NR2C2: variants seen among roughly 807,000 people sequenced by gnomAD.
NR2C2 encodes the protein Nuclear hormone receptor TR4.
In NR2C2, 6 loss-of-function variants were observed where a neutral mutation model predicts 62.9. The ratio of observed to expected loss-of-function variants is 0.10; its 90% CI spans 0.05 to 0.19. NR2C2 has a LOEUF of 0.19. NR2C2 is among the 10% of genes least tolerant of loss of function. The probability of loss-of-function intolerance (pLI) is 1.00; values close to 1 mark genes in which losing one functional copy is unlikely to be tolerated. For missense variants in NR2C2, 479 were observed against 762.7 expected (o/e 0.63, Z 4.38); for synonymous variants, 272 against 273.8 (o/e 0.99, Z 0.07).
chr3:15,005,844 T>C (rs1361219074), intron 2 of NR2C2, among the ~76,000 whole-genome samples: 1 of 152,126 alleles, frequency 6.6e-6, no homozygotes, highest in African/African-American at 2.4e-5. Flanking sequence ...CAGCTGACAA[T>C]CTGTCTTTTC....
At chr3:15,024,365 A>G (rs982784878) in intron 7 of NR2C2, among the ~76,000 whole-genome samples, 157 bp downstream of exon 7, 1 of 152,070 alleles carries the variant, frequency 6.6e-6, no homozygotes, top group African/African-American at 2.4e-5. Flanking sequence ...CTATCTTGTG[A>G]TTTGTTTTAG....
At chr3:14,987,075 G>A (rs1458262892) in intron 1 of NR2C2, among the ~76,000 whole-genome samples, 2 of 152,086 alleles carry the variant, frequency 1.3e-5, no homozygotes, top group Non-Finnish European at 2.9e-5. Context: ...GGTAAGAAGA[G>A]TTTTTATTTA....
intron 1 of NR2C2, among the ~76,000 whole-genome samples, chr3:14,979,141 T>G (rs2040289796): frequency 6.6e-6 from 1 of 152,258 alleles, no homozygotes; most frequent in Non-Finnish European, 1.5e-5. Context: ...TCTCCTTGAC[T>G]ATTCTTTTTG....
intron 3 of NR2C2, among the ~76,000 whole-genome samples, chr3:15,015,666 C>T (rs949854737): frequency 2.0e-5 from 3 of 152,190 alleles, no homozygotes; most frequent in African/African-American, 4.8e-5. Flanking sequence ...ATGAGCAGTC[C>T]GGATGAGTGG....
Position 15,003,983 on chromosome 3 carries a change from T to A in NR2C2, c.69T>A (p.Ile23=), listed in dbSNP as rs1445802126. Residue 23 remains isoleucine, a synonymous_variant, in exon 2 of 14, where the codon ATT becomes ATA. Coordinates refer to ENST00000425241, the MANE Select transcript of NR2C2 (RefSeq NM_001291694.2). Reference sequence around the variant, plus strand: ...CTGCTGTAGCCTCACCTCAGCGCATTCAGGTACCTGCAACCTGCCAATGGC... The same window carrying A: ...CTGCTGTAGCCTCACCTCAGCGCATACAGGTACCTGCAACCTGCCAATGGC... ...TDSAVASPQR[I]QIVTDQQTGQ... The A allele has an allele frequency of 6.2e-7, 1 of 1,607,580 alleles. No individual in the cohort carries two copies. The highest frequency in any genetic ancestry group is 1.1e-5 in the South Asian group (1 of 90,062).
Position 15,013,575 on chromosome 3 carries a change from G to C in NR2C2, c.73-14G>C. 1 of 1,613,172 alleles carries C rather than the reference G, an allele frequency of 6.2e-7. No individual in the cohort carries two copies. The highest frequency in any genetic ancestry group is 8.5e-7 in the Non-Finnish European group (1 of 1,179,534). On this transcript the variant is annotated splice_polypyrimidine_tract_variant and intron_variant, in intron 2 of 13. Transcript: ENST00000425241. Reference sequence around the variant, plus strand: ...GACACTCCATGAGAGCAGCCTCCATGTTGTGTCTTATAGATTGTCACAGAC... The same window carrying C: ...GACACTCCATGAGAGCAGCCTCCATCTTGTGTCTTATAGATTGTCACAGAC...
intron 1 of NR2C2, among the ~76,000 whole-genome samples, chr3:14,969,207 A>C (rs964087399): frequency 1.2e-4 from 18 of 151,658 alleles, no homozygotes; most frequent in African/African-American, 4.4e-4. Context: ...ATATAGATAC[A>C]TATACTATGT....
intron 3 of NR2C2, 105 bp downstream of exon 3, chr3:15,013,894 C>T (rs2041426857): frequency 9.3e-6 from 11 of 1,179,026 alleles, no homozygotes; most frequent in Non-Finnish European, 1.2e-5. Flanking sequence ...CTGGAAGGTT[C>T]CTTGGGGACC....
At chr3:14,975,427 G>A (rs2040175706) in intron 1 of NR2C2, among the ~76,000 whole-genome samples, 1 of 152,124 alleles carries the variant, frequency 6.6e-6, no homozygotes, top group South Asian at 2.1e-4. Context: ...ATCATGAAAG[G>A]CTATTGAATT....
chr3:15,024,483 T>A (rs1039322220), intron 7 of NR2C2, among the ~76,000 whole-genome samples: 8 of 152,198 alleles, frequency 5.3e-5, no homozygotes, highest in Admixed American at 1.3e-4. Context: ...TCTGTTATAG[T>A]TTTCTTTTTC....
chr3:15,040,843 G>A (rs1559312997), intron 13 of NR2C2, among the ~76,000 whole-genome samples: 1 of 152,168 alleles, frequency 6.6e-6, no homozygotes, highest in Non-Finnish European at 1.5e-5. Flanking sequence ...ATCCAGCCAG[G>A]TATACAGTCA....
intron 1 of NR2C2, among the ~76,000 whole-genome samples, chr3:14,957,218 G>C (rs1475977287): frequency 6.6e-6 from 1 of 152,186 alleles, no homozygotes; most frequent in East Asian, 1.9e-4. Flanking sequence ...TGGATGATTT[G>C]AATCAGTTGA....
chr3:15,016,813 A>C (rs2041523532), intron 4 of NR2C2, among the ~76,000 whole-genome samples: 1 of 152,174 alleles, frequency 6.6e-6, no homozygotes, highest in Non-Finnish European at 1.5e-5. Flanking sequence ...CAGGGCCTAG[A>C]GTTTAAGATC....
At chr3:14,969,155 G>GA (rs1029482512) in intron 1 of NR2C2, among the ~76,000 whole-genome samples, 4 of 144,674 alleles carry the variant, frequency 2.8e-5, no homozygotes, top group African/African-American at 7.6e-5. Flanking sequence ...ATTAAAAAAA[G>GA]AAAAAAAAAT....
intron 4 of NR2C2, among the ~76,000 whole-genome samples, chr3:15,018,818 A>T (rs2041586885): frequency 6.6e-6 from 1 of 152,094 alleles, no homozygotes; most frequent in South Asian, 2.1e-4. Flanking sequence ...GGAGTTCGAG[A>T]CTAGCCTGGC....
At chr3:15,037,946 C>T (rs1477570908) in intron 11 of NR2C2, 54 bp from the exon 12 acceptor site, 4 of 1,534,476 alleles carry the variant, frequency 2.6e-6, no homozygotes, top group Non-Finnish European at 3.5e-6. Context: ...CTCAAATAAG[C>T]TGGTTTTATT....
intron 13 of NR2C2, among the ~76,000 whole-genome samples, chr3:15,040,122 T>C (rs1157480289): frequency 6.6e-6 from 1 of 151,388 alleles, no homozygotes; most frequent in Non-Finnish European, 1.5e-5. Context: ...ATCACGCCAC[T>C]GCACTCCAGC....
At chr3:14,985,711 ATATT>A (rs1289784060) in intron 1 of NR2C2, among the ~76,000 whole-genome samples, 2 of 152,204 alleles carry the variant, frequency 1.3e-5, no homozygotes, top group African/African-American at 4.8e-5. Flanking sequence ...GATTAGAGCT[ATATT>A]TATTTAGCTA....
At chr3:15,009,716 T>G (rs62240385) in intron 2 of NR2C2, among the ~76,000 whole-genome samples, 8,944 of 152,328 alleles carry the variant, frequency 0.059, 363 homozygotes, top group Middle Eastern at 0.099. Context: ...GCTGTCACAA[T>G]AAATTACCAC....
Sources: allele counts gnomAD v4.1 joint callset (sites outside exome capture counted in the v4.1 genomes callset), GRCh38; gene constraint gnomAD v4.1.1; transcripts MANE v1.5; gene names NCBI Gene and HGNC (gene_info 2026-07-23, HGNC 2026-07-21).